C11orf97: variants seen among roughly 807,000 people sequenced by gnomAD.
The protein encoded by C11orf97 is chromosome 11 open reading frame 97.
C11orf97 carries 15 observed loss-of-function variants against 16.2 expected under a neutral mutation model. The ratio of observed to expected loss-of-function variants is 0.93; its 90% CI spans 0.62 to 1.43. C11orf97 has a LOEUF of 1.43. Ranked by LOEUF, C11orf97 falls within the 40% of genes most tolerant of loss-of-function variation. The pLI is 0.00. For synonymous variants in C11orf97, 61 were observed against 65.7 expected, an observed-to-expected ratio of 0.93 and a Z score of 0.34; for missense variants, 171 against 161.2, an observed-to-expected ratio of 1.06 and a Z score of -0.33.
In C11orf97 at chr11:94,517,683, T is replaced by C. The variant is rs1947622473; in HGVS notation, c.246T>C (p.Ala82=). 6.6e-7 allele frequency: 1 copy of C among 1,519,192 alleles called. No homozygotes were observed. Among genetic ancestry groups the C allele is most frequent in the Non-Finnish European group, 8.8e-7 (1 of 1,137,882 alleles). 94.1% of individuals were successfully genotyped at this position (1,519,192 alleles called of 1,614,324 possible). ...ATGAATGCCACATTAAAAATCCAGC[T>C]GCAGGTAATCTCAGTGACAAATGAA... ...KRDECHIKNP[A]AVALEGIWSI... The change falls in exon 2 of 4, where the codon GCT becomes GCC. Residue 82 remains alanine (A), a synonymous_variant. Coordinates refer to ENST00000542198, the MANE Select transcript of C11orf97 (RefSeq NM_001190462.2).
intron 1 of C11orf97, among the ~76,000 whole-genome samples, chr11:94,512,960 C>G (rs886234823): frequency 2.0e-5 from 3 of 152,078 alleles, no homozygotes; most frequent in African/African-American, 7.3e-5. Flanking sequence ...CACACACACA[C>G]ACACACATTT....
rs1947703083 is a variant in C11orf97, at chr11:94,526,628, A to C, written c.251-1456A>C. On this transcript the variant is annotated intron_variant, in intron 2 of 3. Transcript: ENST00000542198. ...GTATCATGCACTGGGGGTATTGAATAAATGTCATAGGCTCCTAAATTTGAG... is the reference window on the plus strand; with the variant it reads ...GTATCATGCACTGGGGGTATTGAATCAATGTCATAGGCTCCTAAATTTGAG... 2.0e-5 allele frequency among the ~76,000 whole-genome samples: 3 copies of C among 152,310 alleles called. No individual in the cohort carries two copies. In the East Asian group the frequency reaches 5.8e-4, roughly 29 times the overall value.
At chr11:94,528,343 C>A in intron 3 of C11orf97, 134 bp downstream of exon 3, 1 of 885,952 alleles carries the variant, frequency 1.1e-6, no homozygotes, top group Non-Finnish European at 1.6e-6. Flanking sequence ...TCTTGGGTTG[C>A]TTTTAGTTTG....
intron 2 of C11orf97, among the ~76,000 whole-genome samples, chr11:94,518,419 A>G (rs569339155): frequency 3.3e-5 from 1 of 30,620 alleles, no homozygotes; most frequent in South Asian, 4.8e-4. Context: ...AGTGGAGCCC[A>G]AGAATTTGGA....
intron 2 of C11orf97, among the ~76,000 whole-genome samples, chr11:94,527,362 A>C (rs1947708239): frequency 6.6e-6 from 1 of 152,238 alleles, no homozygotes; most frequent in South Asian, 2.1e-4. Flanking sequence ...CCAACTTACT[A>C]GACTTGAGTT....
Position 94,528,177 on chromosome 11 carries a change from C to G in C11orf97, c.344C>G (p.Ala115Gly), listed in dbSNP as rs1237765543. The change falls in exon 3 of 4, where the codon GCC (alanine) becomes GGC (glycine). Residue 115 changes from alanine (A) to glycine (G), a missense_variant. Coordinates refer to ENST00000542198, the MANE Select transcript of C11orf97 (RefSeq NM_001190462.2). ...AGCAGAAACAGTTTATTGCCACAAG[C>G]CAAGTACTACTCCAGGCACGGAGGA... is the stretch of plus-strand genomic sequence containing the variant. ...LPSRNSLLPQAKYYSRHGGLR... is the reference protein window; with the variant it reads ...LPSRNSLLPQGKYYSRHGGLR... 7.8e-6 allele frequency: 12 copies of G among 1,535,884 alleles called. No homozygotes were observed. The highest frequency in any genetic ancestry group is 9.6e-6 in the Non-Finnish European group (11 of 1,146,786).
At position 94,517,612 on chromosome 11, in the gene C11orf97, A is replaced by G; in HGVS notation, c.175A>G (p.Lys59Glu). Residue 59 changes from lysine to glutamate, a missense_variant, in exon 2 of 4, where the codon AAG (lysine) becomes GAG (glutamate). By Grantham distance (56) the Lys-to-Glu change is moderately conservative. Coordinates refer to ENST00000542198, the MANE Select transcript of C11orf97 (RefSeq NM_001190462.2). ...GAAATTTTTATATTGTGAGCCACAT[A>G]AGAGAATTAAGGAAGTACTGGAAGA... ...WKKFLYCEPH[K>E]RIKEVLEEER... 1 of 1,531,058 alleles carries G rather than the reference A, an allele frequency of 6.5e-7. No homozygotes were observed. Among genetic ancestry groups the G allele is most frequent in the Non-Finnish European group, 8.7e-7 (1 of 1,145,156 alleles). The allele number at this position is 1,531,058 out of a possible 1,614,324, so 94.8% of individuals were successfully genotyped here.
At chr11:94,516,859 T>C (rs1452962860) in intron 1 of C11orf97, among the ~76,000 whole-genome samples, 1 of 152,132 alleles carries the variant, frequency 6.6e-6, no homozygotes, top group Non-Finnish European at 1.5e-5. Context: ...AGAAGGGCCA[T>C]GTGTCTGGAG....
chr11:94,517,836 C>T (rs1253851806), intron 2 of C11orf97, 149 bp downstream of exon 2: 1 of 574,220 alleles, frequency 1.7e-6, no homozygotes, highest in Non-Finnish European at 2.8e-6. Context: ...TGCTTATGTC[C>T]AAATAAACCT....
chr11:94,512,562 G>A lies in C11orf97; in HGVS notation c.34G>A (p.Val12Met). 2 of 1,312,618 alleles carry A rather than the reference G, an allele frequency of 1.5e-6. No individual in the cohort carries two copies. The highest frequency in any genetic ancestry group is 2.1e-5 in the South Asian group (1 of 47,140). The allele number at this position is 1,312,618 out of a possible 1,614,324, so 81.3% of individuals were successfully genotyped here. Reference protein sequence around the residue: ...TGEEAVVVTAVVAPKAGREEE... With the variant: ...TGEEAVVVTAMVAPKAGREEE... Reference sequence around the variant, plus strand: ...CGAGGAGGCGGTGGTGGTGACCGCAGTGGTGGCGCCCAAGGCGGGTCGCGA... The same window carrying A: ...CGAGGAGGCGGTGGTGGTGACCGCAATGGTGGCGCCCAAGGCGGGTCGCGA... The change falls in exon 1 of 4, where the codon GTG (valine) becomes ATG (methionine). Residue 12 changes from valine to methionine, a missense_variant. Transcript: ENST00000542198.
chr11:94,512,480 T>C lies in C11orf97; in HGVS notation c.-49T>C. ...CCTCGCATGCTGGGCTGCCTGCGAC[T>C]GAGCTGAGAAGGAAACCGTGCCCAG... On this transcript the variant is annotated 5_prime_UTR_variant, in exon 1 of 4. Coordinates refer to ENST00000542198, the MANE Select transcript of C11orf97 (RefSeq NM_001190462.2). 7.9e-7 allele frequency: 1 copy of C among 1,261,788 alleles called. No individual in the cohort carries two copies. Among genetic ancestry groups the C allele is most frequent in the Non-Finnish European group, 1.0e-6 (1 of 1,002,496 alleles). 78.2% of individuals were successfully genotyped at this position (1,261,788 alleles called of 1,614,324 possible).
At chr11:94,531,846 A>G (rs1947741686) in intron 3 of C11orf97, 50 bp from the exon 4 acceptor site, 1 of 1,361,352 alleles carries the variant, frequency 7.3e-7, no homozygotes, top group African/African-American at 1.5e-5. Context: ...ATTAAAGAGC[A>G]TCTCCCCGAA....
At chr11:94,531,716 G>A (rs12294732) in intron 3 of C11orf97, among the ~76,000 whole-genome samples, 180 bp from the exon 4 acceptor site, 42,241 of 151,826 alleles carry the variant, frequency 0.28, 6,553 homozygotes, top group African/African-American at 0.42. Flanking sequence ...TGCTTCAGTC[G>A]TGAGGGTTTG....
intron 2 of C11orf97, among the ~76,000 whole-genome samples, chr11:94,522,246 C>T (rs954992774): frequency 5.9e-5 from 9 of 152,228 alleles, no homozygotes; most frequent in African/African-American, 2.2e-4. Flanking sequence ...ACAAAACTCA[C>T]ACCTCTGGGC....
rs116564208 is a variant in C11orf97 at position 94,528,045 on chromosome 11, C to T, written c.251-39C>T. 696 of 1,490,616 alleles carry T rather than the reference C, an allele frequency of 4.7e-4. 1 individual carries two copies. The African/African-American group carries it at 7.0e-3, about 15-fold the overall frequency. 92.3% of individuals were successfully genotyped at this position (1,490,616 alleles called of 1,614,324 possible). On this transcript the variant is annotated intron_variant, in intron 2 of 3. Coordinates refer to ENST00000542198, the MANE Select transcript of C11orf97 (RefSeq NM_001190462.2). ...AAAACTCTGTGCTAAAAAGAGAATA[C>T]GCTAATAATTATTTTCTTGCCTTAA...
intron 2 of C11orf97, 33 bp from the exon 3 acceptor site, chr11:94,528,051 T>C (rs1291504196): frequency 6.6e-7 from 1 of 1,504,690 alleles, no homozygotes; most frequent in Non-Finnish European, 8.8e-7. Flanking sequence ...AATACGCTAA[T>C]AATTATTTTC....
intron 3 of C11orf97, 123 bp downstream of exon 3, chr11:94,528,332 C>A: frequency 5.2e-6 from 5 of 954,114 alleles, no homozygotes; most frequent in Non-Finnish European, 4.3e-6. Context: ...TGACTTGTTT[C>A]TCTTGGGTTG....
At position 94,513,165 on chromosome 11, in the gene C11orf97, A is replaced by G. The variant is rs116365067; in HGVS notation, c.145+492A>G. ...AGGCGAAATACTAAAATCACTTTTA[A>G]CTTCCATCTCTTGGACTCTCAGTCT... On this transcript the variant is annotated intron_variant, in intron 1 of 3. Transcript: ENST00000542198. 5.9e-3 allele frequency among the ~76,000 whole-genome samples: 896 copies of G among 152,322 alleles called. 11 individuals are homozygous for G. The highest frequency in any genetic ancestry group is 0.021 in the African/African-American group (853 of 41,564).
rs750324133 is a variant in C11orf97 at position 94,517,584 on chromosome 11, G to A, written c.147G>A (p.Trp49Ter). 1.3e-6 allele frequency: 2 copies of A among 1,521,100 alleles called. No homozygotes were observed. The highest frequency in any genetic ancestry group is 1.8e-6 in the Non-Finnish European group (2 of 1,138,810). The allele number at this position is 1,521,100 out of a possible 1,614,324, so 94.2% of individuals were successfully genotyped here. ...GRGPLEHGQQ[W>*]KKFLYCEPHK... Reference sequence around the variant, plus strand: ...TTGATTTTGTTAATGCCTTTATAGGGAAGAAATTTTTATATTGTGAGCCAC... The same window carrying A: ...TTGATTTTGTTAATGCCTTTATAGGAAAGAAATTTTTATATTGTGAGCCAC... The change falls in exon 2 of 4, where the codon TGG (tryptophan) becomes TGA (stop). Residue 49 changes from tryptophan (W) to a stop codon, truncating the protein, a stop_gained and splice_region_variant. Coordinates refer to ENST00000542198, the MANE Select transcript of C11orf97 (RefSeq NM_001190462.2). LOFTEE classifies it high-confidence loss of function.
Sources: allele counts gnomAD v4.1 joint callset (sites outside exome capture counted in the v4.1 genomes callset), GRCh38; gene constraint gnomAD v4.1.1; transcripts MANE v1.5; gene names NCBI Gene and HGNC (gene_info 2026-07-23, HGNC 2026-07-21).